Variants in PEAK1 observed in about 807,000 individuals in gnomAD.
PEAK1 encodes the protein inactive tyrosine-protein kinase PEAK1.
In PEAK1, 54 loss-of-function variants were observed where a neutral mutation model predicts 124.7. The observed-to-expected ratio is 0.43, with a 90% confidence interval of 0.35 to 0.54. PEAK1 has a LOEUF of 0.54. PEAK1 is among the 20% of genes least tolerant of loss of function. The pLI is 0.01. For missense variants in PEAK1, 2,046 were observed against 2,134.5 expected (o/e 0.96, Z 0.82); for synonymous variants, 719 against 760.0 (o/e 0.95, Z 0.89).
chr15:77,103,432 A>G (rs1315915497), downstream of PEAK1: 1 of 152,222 alleles, frequency 6.6e-6, no homozygotes, highest in Non-Finnish European at 1.5e-5. Flanking sequence ...ACACCTGGCC[A>G]ATGATATATA....
At chr15:77,237,967 C>T (rs938248626) in intron 6 of PEAK1, among the ~76,000 whole-genome samples, 4 of 152,266 alleles carry the variant, frequency 2.6e-5, no homozygotes, top group Non-Finnish European at 5.9e-5. Flanking sequence ...ATTTGAGAGG[C>T]TACCCTTTAA....
chr15:77,115,077 T>C lies in PEAK1; in HGVS notation c.4320A>G (p.Ala1440=). 1 of 1,614,208 alleles carries C rather than the reference T, an allele frequency of 6.2e-7. No individual in the cohort carries two copies. Among genetic ancestry groups the C allele is most frequent in the South Asian group, 1.1e-5 (1 of 91,078 alleles). ...CCTGATTCTCTTTCTGGGATGATGCTGCTTCAGAACAGGGCTTTGGGTTTT... is the reference window on the plus strand; with the variant it reads ...CCTGATTCTCTTTCTGGGATGATGCCGCTTCAGAACAGGGCTTTGGGTTTT... The part of the protein sequence containing the change: ...DGKNPKPCSE[A]ASSQKENQGV... Residue 1440 remains alanine (A), a synonymous_variant, in exon 10 of 10, where the codon GCA becomes GCG. Transcript: ENST00000682557.
chr15:77,318,123 T>G (rs997176714), intron 2 of PEAK1, among the ~76,000 whole-genome samples: 1 of 151,710 alleles, frequency 6.6e-6, no homozygotes, highest in African/African-American at 2.4e-5. Flanking sequence ...ACTATTTTGA[T>G]AGTTAGACAA....
chr15:77,354,864 C>G (rs927458028), intron 2 of PEAK1, among the ~76,000 whole-genome samples: 2 of 151,948 alleles, frequency 1.3e-5, no homozygotes, highest in East Asian at 1.9e-4. Flanking sequence ...ACGGTGAAAC[C>G]CTGTCTCTAC....
At chr15:77,295,401 C>T (rs983101162) in intron 2 of PEAK1, among the ~76,000 whole-genome samples, 3 of 152,156 alleles carry the variant, frequency 2.0e-5, no homozygotes, top group Admixed American at 2.0e-4. Context: ...AAGTGATCTT[C>T]ACTTTTACTA....
intron 1 of PEAK1, among the ~76,000 whole-genome samples, chr15:77,383,664 TTTTATAATATTAC>T (rs2069678580): frequency 6.6e-6 from 1 of 152,236 alleles, no homozygotes; most frequent in Non-Finnish European, 1.5e-5. Context: ...ACAACATCAT[TTTTATAATATTAC>T]TTACTAGATT....
chr15:77,259,469 A>G (rs2061329694), intron 5 of PEAK1, among the ~76,000 whole-genome samples: 1 of 152,186 alleles, frequency 6.6e-6, no homozygotes, highest in Admixed American at 6.5e-5. Context: ...AAAAATAAAT[A>G]ATAGTTCCCA....
At chr15:77,285,645 T>G (rs953823879) in intron 3 of PEAK1, among the ~76,000 whole-genome samples, 23 of 152,230 alleles carry the variant, frequency 1.5e-4, no homozygotes, top group African/African-American at 5.3e-4. Context: ...ATGAGATTGC[T>G]ATCTAGCTGT....
At chr15:77,417,587 T>A (rs908662807) in intron 1 of PEAK1, 1 of 985,318 alleles carries the variant, frequency 1.0e-6, no homozygotes, top group Admixed American at 6.1e-5. Flanking sequence ...TGGAGCCTTG[T>A]ACTCACACTT....
intron 6 of PEAK1, among the ~76,000 whole-genome samples, chr15:77,238,134 C>A (rs879904273): frequency 1.3e-5 from 2 of 151,952 alleles, no homozygotes; most frequent in Non-Finnish European, 2.9e-5. Context: ...TGTTTCTTTT[C>A]GTCTAGTAAT....
rs2051240848 is a variant in PEAK1 at position 77,115,102 on chromosome 15, T to A, written c.4295A>T (p.Lys1432Ile). The change falls in exon 10 of 10, where the codon AAA becomes ATA. Residue 1432 changes from lysine to isoleucine, a missense_variant. Transcript: ENST00000682557. ...TGCTTCAGAACAGGGCTTTGGGTTT[T>A]TCCCATCCGTTTCTCCTTTGGCGTC... Reference protein sequence around the residue: ...EEDAKGETDGKNPKPCSEAAS... With the variant: ...EEDAKGETDGINPKPCSEAAS... 6.2e-7 allele frequency: 1 copy of A among 1,614,030 alleles called. No homozygotes were observed. Among genetic ancestry groups the A allele is most frequent in the Non-Finnish European group, 8.5e-7 (1 of 1,180,038 alleles).
chr15:77,294,770 T>C (rs1233947319), intron 2 of PEAK1, among the ~76,000 whole-genome samples: 1 of 152,188 alleles, frequency 6.6e-6, no homozygotes, highest in Non-Finnish European at 1.5e-5. Context: ...ATAATATGTA[T>C]GGTTAGATGA....
chr15:77,143,727 C>T (rs1244132069), intron 8 of PEAK1, among the ~76,000 whole-genome samples: 1 of 152,130 alleles, frequency 6.6e-6, no homozygotes, highest in African/African-American at 2.4e-5. Context: ...CAGAATTGAC[C>T]TTTCTTGGGC....
At chr15:77,126,258 C>A (rs973952283) in intron 9 of PEAK1, among the ~76,000 whole-genome samples, 1 of 152,134 alleles carries the variant, frequency 6.6e-6, no homozygotes, top group Non-Finnish European at 1.5e-5. Context: ...CATAATTTTA[C>A]GTAGTCTTCA....
chr15:77,133,088 C>A lies in PEAK1; in HGVS notation c.3994G>T (p.Asp1332Tyr). 1.2e-6 allele frequency: 2 copies of A among 1,614,218 alleles called. No individual in the cohort carries two copies. The highest frequency in any genetic ancestry group is 1.7e-6 in the Non-Finnish European group (2 of 1,180,034). The change falls in exon 9 of 10, where the codon GAC (aspartate) becomes TAC (tyrosine). Residue 1332 changes from aspartate to tyrosine, a missense_variant. Transcript: ENST00000682557. The surrounding 1 kb of genome is among the most constrained non-coding windows in gnomAD (Gnocchi z 4.2). The stretch of plus-strand genomic sequence containing the variant: ...TCACCTGCCTCACAACATGGTTTGT[C>A]ACTGGTTAGCCTGAAGTCTGACCAG... ...DSWSDFRLTSDKPCCEAGDAV... is the reference protein window; with the variant it reads ...DSWSDFRLTSYKPCCEAGDAV...
chr15:77,296,127 G>C (rs1214373180), intron 2 of PEAK1, among the ~76,000 whole-genome samples: 21 of 152,168 alleles, frequency 1.4e-4, no homozygotes, highest in Admixed American at 1.3e-3. Context: ...AAGAAGAGGG[G>C]AAAGAAAGGC....
At chr15:77,320,764 C>T (rs2065154228) in intron 2 of PEAK1, among the ~76,000 whole-genome samples, 1 of 152,040 alleles carries the variant, frequency 6.6e-6, no homozygotes. Flanking sequence ...CACCCATTAA[C>T]TCGTCATTTA....
chr15:77,296,636 A>C (rs1873110449), intron 2 of PEAK1, among the ~76,000 whole-genome samples: 1 of 151,634 alleles, frequency 6.6e-6, no homozygotes, highest in Non-Finnish European at 1.5e-5. Context: ...AAATAAAAGA[A>C]AATAAATGAC....
At chr15:77,212,575 G>C (rs2058953798) in intron 6 of PEAK1, among the ~76,000 whole-genome samples, 1 of 152,158 alleles carries the variant, frequency 6.6e-6, no homozygotes, top group Non-Finnish European at 1.5e-5. Context: ...AGACATACCG[G>C]AGACTCATAA....
Sources: allele counts gnomAD v4.1 joint callset (sites outside exome capture counted in the v4.1 genomes callset), GRCh38; gene constraint gnomAD v4.1.1; non-coding constraint Gnocchi (gnomAD v3.1); transcripts MANE v1.5; gene names NCBI Gene and HGNC (gene_info 2026-07-23, HGNC 2026-07-21).